The following GRID2 variants were observed in gnomAD, a reference collection of about 807,000 sequenced individuals.
The protein encoded by GRID2 is glutamate receptor ionotropic, delta-2.
A neutral mutation model predicts 114.8 loss-of-function variants in GRID2; 33 were observed. That is an observed-to-expected ratio of 0.29 (90% CI 0.22 to 0.38). The LOEUF is 0.38. Among genes scored for constraint, GRID2 ranks in the 10% least tolerant of loss-of-function variants. GRID2 has a pLI of 1.00. For missense variants in GRID2, 1,184 were observed against 1,257.7 expected (o/e 0.94, Z 0.89); for synonymous variants, 505 against 449.9 (o/e 1.12, Z -1.55).
At chr4:93,526,241 A>G (rs191741103) in intron 13 of GRID2, among the ~76,000 whole-genome samples, 2 of 152,162 alleles carry the variant, frequency 1.3e-5, no homozygotes, top group East Asian at 3.9e-4. Flanking sequence ...TCGATTTCAC[A>G]CTCATTCTAT....
chr4:92,724,390 A>G (rs909124042), intron 2 of GRID2, among the ~76,000 whole-genome samples: 4 of 152,172 alleles, frequency 2.6e-5, no homozygotes, highest in African/African-American at 9.7e-5. Context: ...AGGTTAGCAT[A>G]CTGCAGCTCT....
At chr4:92,382,094 G>C (rs1729645352) in intron 1 of GRID2, among the ~76,000 whole-genome samples, 1 of 151,742 alleles carries the variant, frequency 6.6e-6, no homozygotes. Context: ...ACATGTTAGA[G>C]TTTTGAATAT....
intron 14 of GRID2, among the ~76,000 whole-genome samples, chr4:93,703,901 G>T (rs1474637008): frequency 3.3e-5 from 5 of 151,970 alleles, no homozygotes; most frequent in Non-Finnish European, 1.5e-5. Context: ...ATCATTGTTG[G>T]ACATTTGGCT....
chr4:93,691,794 A>G (rs1726587099), intron 14 of GRID2, among the ~76,000 whole-genome samples: 1 of 152,024 alleles, frequency 6.6e-6, no homozygotes. Context: ...CCATCTGCAC[A>G]TAAGAATTTA....
chr4:92,495,226 C>T (rs995365367), intron 1 of GRID2, among the ~76,000 whole-genome samples: 3 of 151,956 alleles, frequency 2.0e-5, no homozygotes, highest in African/African-American at 7.2e-5. Context: ...ATTTCAAGCT[C>T]CCTGTGTTCA....
chr4:93,179,759 A>G (rs1466396831), intron 4 of GRID2, among the ~76,000 whole-genome samples: 1 of 152,172 alleles, frequency 6.6e-6, no homozygotes, highest in Non-Finnish European at 1.5e-5. Context: ...CAAAAATAGT[A>G]AGTAGTAGAT....
At chr4:93,335,189 A>C (rs1758920198) in intron 8 of GRID2, among the ~76,000 whole-genome samples, 1 of 152,196 alleles carries the variant, frequency 6.6e-6, no homozygotes, top group Non-Finnish European at 1.5e-5. Context: ...TAATTTAAAA[A>C]TTTTGTGTGA....
At chr4:92,945,157 C>G (rs1751530747) in intron 2 of GRID2, among the ~76,000 whole-genome samples, 1 of 152,086 alleles carries the variant, frequency 6.6e-6, no homozygotes, top group Admixed American at 6.6e-5. Context: ...TCTATACATC[C>G]TATTTCTTAT....
intron 1 of GRID2, among the ~76,000 whole-genome samples, chr4:92,454,695 G>A (rs1350857790): frequency 6.6e-6 from 1 of 152,130 alleles, no homozygotes; most frequent in Non-Finnish European, 1.5e-5. Context: ...TATTAGCCGG[G>A]CGTGTTGGCA....
chr4:93,276,609 T>A (rs187877177), intron 8 of GRID2, among the ~76,000 whole-genome samples: 1 of 152,142 alleles, frequency 6.6e-6, no homozygotes, highest in East Asian at 1.9e-4. Context: ...TCAAAAATAT[T>A]TTGTAGTTTC....
At chr4:93,507,715 A>G (rs1728763339) in intron 12 of GRID2, among the ~76,000 whole-genome samples, 1 of 152,188 alleles carries the variant, frequency 6.6e-6, no homozygotes, top group Non-Finnish European at 1.5e-5. Context: ...TCAAGAGCAA[A>G]TATTCTACTT....
At chr4:93,670,131 T>C (rs976630358) in intron 14 of GRID2, among the ~76,000 whole-genome samples, 4 of 152,188 alleles carry the variant, frequency 2.6e-5, no homozygotes, top group African/African-American at 7.2e-5. Context: ...ACAGCAGTTA[T>C]ATCTTAAAGG....
At chr4:92,789,411 C>T (rs564743783) in intron 2 of GRID2, among the ~76,000 whole-genome samples, 16 of 151,816 alleles carry the variant, frequency 1.1e-4, no homozygotes, top group African/African-American at 3.9e-4. Flanking sequence ...TTATTCTTTC[C>T]CTTTGGGATT....
chr4:93,608,321 T>G (rs1400349345), intron 13 of GRID2, among the ~76,000 whole-genome samples: 5 of 145,300 alleles, frequency 3.4e-5, no homozygotes, highest in Admixed American at 6.8e-5. Flanking sequence ...ATTTTTTTTT[T>G]TTATTATACT....
chr4:93,457,156 T>A (rs1723284859), intron 11 of GRID2, among the ~76,000 whole-genome samples: 1 of 152,106 alleles, frequency 6.6e-6, no homozygotes, highest in Non-Finnish European at 1.5e-5. Flanking sequence ...GGATTACAAT[T>A]GTGGGTAGAA....
chr4:93,179,648 A>C (rs1255334160), intron 4 of GRID2, among the ~76,000 whole-genome samples: 2 of 152,226 alleles, frequency 1.3e-5, no homozygotes, highest in African/African-American at 2.4e-5. Flanking sequence ...TAACTTGTTT[A>C]ATCATCAAAA....
At chr4:93,740,347 T>G (rs1731261758) in intron 14 of GRID2, among the ~76,000 whole-genome samples, 1 of 152,144 alleles carries the variant, frequency 6.6e-6, no homozygotes, top group Non-Finnish European at 1.5e-5. Context: ...ATGACTGTAT[T>G]TCAGAGCTCA....
At chr4:92,319,273 T>C (rs1178128477) in intron 1 of GRID2, among the ~76,000 whole-genome samples, 1 of 152,202 alleles carries the variant, frequency 6.6e-6, no homozygotes, top group Non-Finnish European at 1.5e-5. Context: ...GATTTCTTGA[T>C]ATTTTAATAT....
chr4:93,501,327 A>T (rs1344502263), intron 12 of GRID2, among the ~76,000 whole-genome samples: 4 of 151,970 alleles, frequency 2.6e-5, no homozygotes, highest in African/African-American at 7.2e-5. Flanking sequence ...TATAGCTCTC[A>T]GTAGGGAATT....
Sources: allele counts gnomAD v4.1 joint callset (sites outside exome capture counted in the v4.1 genomes callset), GRCh38; gene constraint gnomAD v4.1.1; transcripts MANE v1.5; gene names NCBI Gene and HGNC (gene_info 2026-07-23, HGNC 2026-07-21).